Variants in ZNF45 observed in about 807,000 individuals in gnomAD.
The protein encoded by ZNF45 is BRC1744.
In ZNF45, 4 loss-of-function variants were observed where a neutral mutation model predicts 12.0. The ratio of observed to expected loss-of-function variants is 0.33; its 90% CI spans 0.16 to 0.76. The LOEUF (loss-of-function observed/expected upper bound fraction) is 0.76. Among genes scored for constraint, ZNF45 ranks in the 30% least tolerant of loss-of-function variants. The pLI, the probability that ZNF45 is intolerant of heterozygous loss-of-function variation, is 0.60. For missense variants in ZNF45, 700 were observed against 813.0 expected, an observed-to-expected ratio of 0.86 and a Z score of 1.69; for synonymous variants, 272 against 279.6, an observed-to-expected ratio of 0.97 and a Z score of 0.27.
chr19:43,920,537 G>C (rs1384338798), intron 7 of ZNF45, among the ~76,000 whole-genome samples: 1 of 48,866 alleles, frequency 2.0e-5, no homozygotes, highest in African/African-American at 7.6e-5. Context: ...TTGCCGGGTG[G>C]GGGGGGGGGG....
Position 43,914,157 on chromosome 19 carries a change from G to A in ZNF45, c.1279C>T (p.Arg427Cys), listed in dbSNP as rs747193523. 2.1e-5 allele frequency: 33 copies of A among 1,607,488 alleles called. No individual in the cohort carries two copies. The Admixed American group carries it at 2.5e-4, about 12-fold the overall frequency. Residue 427 changes from arginine (R) to cysteine (C), a missense_variant, in exon 10 of 10, where the codon CGT becomes TGT. By Grantham distance (180) the Arg-to-Cys change is radical (BLOSUM62 -3). Transcript: ENST00000269973. Reference protein sequence around the residue: ...QCDACGKGFSRSSDFNIHFRV... With the variant: ...QCDACGKGFSCSSDFNIHFRV... ...AAATGAATGTTAAAATCTGAGCTAC[G>A]ACTGAAGCCCTTACCACATGCATCA...
At chr19:43,930,024 A>C (rs1289135888) in intron 3 of ZNF45, 1 of 152,270 alleles carries the variant, frequency 6.6e-6, no homozygotes, top group African/African-American at 2.4e-5. Flanking sequence ...CCACAGTTAT[A>C]AAGAACAGAA....
At position 43,913,438 on chromosome 19, in the gene ZNF45, C is replaced by G; in HGVS notation, c.1998G>C (p.Glu666Asp). 6.3e-7 allele frequency: 1 copy of G among 1,586,272 alleles called. No individual in the cohort carries two copies. The highest frequency in any genetic ancestry group is 2.2e-5 in the East Asian group (1 of 44,608). ...CTGATGAAGGAAAGTCCTTGTCACC[C>G]TCATCATCAGCATGGACTCGCTGAT... ...IIHQRVHADD[E>D]GDKDFPSSED... Residue 666 changes from glutamate (E) to aspartate (D), a missense_variant, in exon 10 of 10, where the codon GAG becomes GAC. By Grantham distance (45) the Glu-to-Asp change is conservative. Coordinates refer to ENST00000269973, the MANE Select transcript of ZNF45 (RefSeq NM_003425.4).
At chr19:43,927,717 A>T (rs919336082) in intron 3 of ZNF45, among the ~76,000 whole-genome samples, 28 of 152,222 alleles carry the variant, frequency 1.8e-4, no homozygotes, top group African/African-American at 6.3e-4. Context: ...TGATATCTGA[A>T]GGCATGTAAT....
intron 3 of ZNF45, among the ~76,000 whole-genome samples, chr19:43,929,615 T>C (rs541085642): frequency 1.3e-5 from 2 of 152,296 alleles, no homozygotes; most frequent in South Asian, 2.1e-4. Context: ...ATACTATTCA[T>C]TGGCATTAAT....
chr19:43,913,926 T>G lies in ZNF45; in HGVS notation c.1510A>C (p.Arg504=), dbSNP rs750438807. Residue 504 remains arginine (R), a synonymous_variant, in exon 10 of 10, where the codon AGG becomes CGG. Coordinates refer to ENST00000269973, the MANE Select transcript of ZNF45 (RefSeq NM_003425.4). ...HTGEKPYKCE[R]CGKAFSQFSS... ...AACTGACTGAAGGCCTTACCACACC[T>G]CTCGCATTTATAGGGTTTCTCTCCT... 6.3e-7 allele frequency: 1 copy of G among 1,597,154 alleles called. No homozygotes were observed. Among genetic ancestry groups the G allele is most frequent in the South Asian group, 1.1e-5 (1 of 90,306 alleles).
intron 8 of ZNF45, among the ~76,000 whole-genome samples, chr19:43,919,242 T>C (rs1218600496): frequency 6.6e-6 from 1 of 152,198 alleles, no homozygotes; most frequent in African/African-American, 2.4e-5. Flanking sequence ...TGTGCAGTTA[T>C]TGCCAAGTGC....
rs372643452 is a variant in ZNF45, at chr19:43,915,052, T to C, written c.384A>G (p.Thr128=). ...YQDSVVNIQR[T]GCQLEKRDDL... ...CATCTCGTTTTTCCAACTGGCAGCC[T>C]GTTCTTTGAATATTTACCACAGAAT... Residue 128 remains threonine (T), a synonymous_variant, in exon 10 of 10, where the codon ACA becomes ACG. Coordinates refer to ENST00000269973, the MANE Select transcript of ZNF45 (RefSeq NM_003425.4). The C allele has an allele frequency of 7.4e-6, 12 of 1,611,552 alleles. No individual in the cohort carries two copies. Among genetic ancestry groups the C allele is most frequent in the Non-Finnish European group, 1.0e-5 (12 of 1,179,014 alleles).
chr19:43,919,940 A>T (rs1036612654), intron 7 of ZNF45, among the ~76,000 whole-genome samples: 7 of 152,230 alleles, frequency 4.6e-5, no homozygotes, highest in African/African-American at 1.7e-4. Flanking sequence ...TTCTTAGGTA[A>T]GTTCCAAGAA....
intron 9 of ZNF45, 104 bp from the exon 10 acceptor site, chr19:43,915,304 C>T: frequency 8.1e-7 from 1 of 1,229,622 alleles, no homozygotes; most frequent in Non-Finnish European, 1.1e-6. Context: ...TTCATTGAAC[C>T]AGGAGAAGGT....
In ZNF45 at chr19:43,934,645, A is replaced by C. The variant is rs555147582; in HGVS notation, c.-706T>G. ...CCAGACGCCACCTGTTGAGTGATGC[A>C]CTCTTTCTTAAAAAACGGGTCAGGC... On this transcript the variant is annotated 5_prime_UTR_variant, in exon 2 of 10. Coordinates refer to ENST00000269973, the MANE Select transcript of ZNF45 (RefSeq NM_003425.4). 196 of 152,118 alleles carry C rather than the reference A, an allele frequency of 1.3e-3. No individual in the cohort carries two copies. Among genetic ancestry groups the C allele is most frequent in the African/African-American group, 4.1e-3 (171 of 41,494 alleles). The allele number at this position is 152,118 out of a possible 1,614,324, so 9.4% of individuals were successfully genotyped here. A position where few individuals can be genotyped will look rare whatever the true frequency, so the allele number is the denominator to read the frequency against.
At position 43,914,340 on chromosome 19, in the gene ZNF45, C is replaced by G. The variant is rs1972458824; in HGVS notation, c.1096G>C (p.Gly366Arg). ...GEKPYKCEECGKGFSVGSHLQ... is the reference protein window; with the variant it reads ...GEKPYKCEECRKGFSVGSHLQ... Reference sequence around the variant, plus strand: ...TGTGAACCCACACTGAAACCTTTCCCACACTCCTCACACTTATAGGGTTTC... The same window carrying G: ...TGTGAACCCACACTGAAACCTTTCCGACACTCCTCACACTTATAGGGTTTC... Residue 366 changes from glycine (G) to arginine (R), a missense_variant, in exon 10 of 10, where the codon GGG becomes CGG. Gly to Arg is a moderately radical substitution (Grantham distance 125). Coordinates refer to ENST00000269973, the MANE Select transcript of ZNF45 (RefSeq NM_003425.4). The G allele has an allele frequency of 6.2e-7, 1 of 1,613,164 alleles. No homozygotes were observed. Among genetic ancestry groups the G allele is most frequent in the East Asian group, 2.2e-5 (1 of 44,842 alleles).
intron 3 of ZNF45, among the ~76,000 whole-genome samples, chr19:43,925,817 C>A (rs1599783110): frequency 6.6e-6 from 1 of 152,062 alleles, no homozygotes; most frequent in African/African-American, 2.4e-5. Context: ...TTTTTTAGTA[C>A]AGATGAGGTT....
chr19:43,919,459 T>C (rs1329073261), intron 8 of ZNF45, 114 bp downstream of exon 8: 5 of 1,306,318 alleles, frequency 3.8e-6, no homozygotes, highest in Non-Finnish European at 5.2e-6. Flanking sequence ...ATCTGTCTTA[T>C]GATGGATGAT....
rs367546860 is a variant in ZNF45 at position 43,914,555 on chromosome 19, T to A, written c.881A>T (p.His294Leu). ...TTTCTTTCCAGTGTGAACTTTCAGA[T>A]GAACTTGAAGATATGATCTCTGACT... is the stretch of plus-strand genomic sequence containing the variant. ...GFSQRSYLQV[H>L]LKVHTGKKPY... The change falls in exon 10 of 10, where the codon CAT (histidine) becomes CTT (leucine). Residue 294 changes from histidine to leucine, a missense_variant. His to Leu is a moderately conservative substitution (Grantham distance 99). Transcript: ENST00000269973. The A allele has an allele frequency of 4.0e-5, 65 of 1,612,708 alleles. No homozygotes were observed. The highest frequency in any genetic ancestry group is 5.3e-5 in the Non-Finnish European group (63 of 1,178,992).
At chr19:43,933,926 C>A (rs1974327889) in intron 2 of ZNF45, among the ~76,000 whole-genome samples, 2 of 152,140 alleles carry the variant, frequency 1.3e-5, no homozygotes, top group Non-Finnish European at 2.9e-5. Context: ...CTAAACTCAA[C>A]CTTGCTTTCA....
In ZNF45 at chr19:43,914,596, C is replaced by T. The variant is rs62640884; in HGVS notation, c.840G>A (p.Glu280=). Residue 280 remains glutamate, a synonymous_variant, in exon 10 of 10, where the codon GAG becomes GAA. Coordinates refer to ENST00000269973, the MANE Select transcript of ZNF45 (RefSeq NM_003425.4). ...HTGEKPYKCE[E]CGVGFSQRSY... ...ATCTCTGACTGAAGCCCACCCCACA[C>T]TCCTCACATTTATAGGGTTTCTCTC... 602 of 1,613,692 alleles carry T rather than the reference C, an allele frequency of 3.7e-4. 6 individuals carry two copies. In the African/African-American group the frequency reaches 7.5e-3, roughly 20 times the overall value.
chr19:43,932,784 AT>A, intron 2 of ZNF45, 94 bp from the exon 3 acceptor site: 1 of 152,230 alleles, frequency 6.6e-6, no homozygotes, highest in Non-Finnish European at 1.5e-5. Context: ...TCTTTTCCTA[AT>A]TGCAACTCTT....
chr19:43,914,075 C>T lies in ZNF45; in HGVS notation c.1361G>A (p.Ser454Asn), dbSNP rs766333139. 6.2e-7 allele frequency: 1 copy of T among 1,614,136 alleles called. No homozygotes were observed. Among genetic ancestry groups the T allele is most frequent in the Non-Finnish European group, 8.5e-7 (1 of 1,179,994 alleles). Residue 454 changes from serine to asparagine, a missense_variant, in exon 10 of 10, where the codon AGC (serine) becomes AAC (asparagine). Ser to Asn is a conservative substitution (Grantham distance 46). Coordinates refer to ENST00000269973, the MANE Select transcript of ZNF45 (RefSeq NM_003425.4). ...ATGGGCCAGAAGATTTGAGGCCTGG[C>T]TGAAGCCCTTGCCACACTCCTCACA... ...YKCEECGKGFSQASNLLAHQR... is the reference protein window; with the variant it reads ...YKCEECGKGFNQASNLLAHQR...
Sources: allele counts gnomAD v4.1 joint callset (sites outside exome capture counted in the v4.1 genomes callset), GRCh38; gene constraint gnomAD v4.1.1; transcripts MANE v1.5; gene names NCBI Gene and HGNC (gene_info 2026-07-23, HGNC 2026-07-21).